OR10D3: variants seen among roughly 807,000 people sequenced by gnomAD.
OR10D3 encodes olfactory receptor family 10 subfamily D member 3.
For synonymous variants in OR10D3, 100 were observed against 57.6 expected (o/e 1.74, Z -3.33); for missense variants, 286 against 153.7 (o/e 1.86, Z -4.55).
At position 124,185,701 on chromosome 11, in the gene OR10D3, G is replaced by A. The variant is rs1315922181; in HGVS notation, c.432G>A (p.Leu144=). 1.1e-5 allele frequency: 8 copies of A among 703,618 alleles called. No homozygotes were observed. The East Asian group carries it at 2.1e-4, about 19-fold the overall frequency. The allele number at this position is 703,618 out of a possible 1,614,324, so 43.6% of individuals were successfully genotyped here. A position where few individuals can be genotyped will look rare whatever the true frequency, so the allele number is the denominator to read the frequency against. ...TGAACCCAAGGATCTGTGTGGCCCT[G>A]GCTGTGGGCACATGGCTGTTAGGGT... Residue 144 remains leucine, a synonymous_variant, in exon 2 of 2, where the codon CTG becomes CTA. Transcript: ENST00000641351.
At chr11:124,188,306 G>A (rs1452955352) in exon 2 of OR10D3, 4 of 152,216 alleles carry the variant, frequency 2.6e-5, no homozygotes, top group Non-Finnish European at 5.9e-5. Context: ...AAACAGACAA[G>A]AGCCATAGAT....
chr11:124,185,824 G>T (rs1399550197), exon 2 of OR10D3: 1 of 703,640 alleles, frequency 1.4e-6, no homozygotes, highest in Non-Finnish European at 2.6e-6. Context: ...CAGCACTGTT[G>T]CCCTTGGCCT....
chr11:124,185,471 G>A (rs1002901467), exon 2 of OR10D3: 3 of 703,020 alleles, frequency 4.3e-6, no homozygotes, highest in Non-Finnish European at 7.8e-6. Context: ...AAACTTGTCT[G>A]TGTTTGACAT....
intron 1 of OR10D3, chr11:124,184,186 G>A (rs78668169): frequency 1.3e-5 from 2 of 152,332 alleles, no homozygotes; most frequent in East Asian, 3.9e-4. Context: ...ACAGGTAGAT[G>A]ATCAAGTTGC....
At chr11:124,188,549 G>A (rs1489853221) in exon 2 of OR10D3, 1 of 152,206 alleles carries the variant, frequency 6.6e-6, no homozygotes, top group Non-Finnish European at 1.5e-5. Flanking sequence ...AATGATCCTT[G>A]ATCCAGCAGC....
At chr11:124,185,367 C>T (rs866368813) in exon 2 of OR10D3, 1 of 703,152 alleles carries the variant, frequency 1.4e-6, no homozygotes, top group African/African-American at 1.7e-5. Flanking sequence ...TTATTCTTGC[C>T]CTTCTATGCC....
At chr11:124,185,408 G>A in exon 2 of OR10D3, 1 of 703,072 alleles carries the variant, frequency 1.4e-6, no homozygotes, top group Non-Finnish European at 2.6e-6. Context: ...GTCTATCCTT[G>A]TTGCTGTTAT....
intron 1 of OR10D3, 110 bp from the exon 2 acceptor site, chr11:124,185,149 T>G: frequency 1.7e-6 from 1 of 600,240 alleles, no homozygotes; most frequent in Non-Finnish European, 3.0e-6. Context: ...ATAACTTAGA[T>G]GCAAATCACA....
exon 2 of OR10D3, chr11:124,185,733 A>C: frequency 1.4e-6 from 1 of 703,594 alleles, no homozygotes; most frequent in Non-Finnish European, 2.6e-6. Flanking sequence ...GGGTGCATTC[A>C]TTCCAGTATC....
exon 2 of OR10D3, chr11:124,186,866 C>T (rs1031814175): frequency 3.3e-5 from 5 of 152,158 alleles, no homozygotes; most frequent in Admixed American, 3.3e-4. Flanking sequence ...TTCCATCTTG[C>T]TACCAGCTAT....
chr11:124,185,949 G>A, exon 2 of OR10D3: 1 of 703,232 alleles, frequency 1.4e-6, no homozygotes, highest in Non-Finnish European at 2.6e-6. Flanking sequence ...TCTATCTTAA[G>A]CATTCGTACA....
chr11:124,185,466 T>A lies in OR10D3; in HGVS notation c.197T>A (p.Leu66Ter), dbSNP rs544794778. The change falls in exon 2 of 2, where the codon TTG (leucine) becomes TAG (stop). Residue 66 changes from leucine (L) to a stop codon, truncating the protein, a stop_gained. Transcript: ENST00000641351. LOFTEE classifies it low-confidence loss of function (END_TRUNC). ...CCTATGTATTTCTTCCTGGGAAACT[T>A]GTCTGTGTTTGACATGGGTTTCTCC... 11 of 703,166 alleles carry A rather than the reference T, an allele frequency of 1.6e-5. No homozygotes were observed. The East Asian group carries it at 3.0e-4, about 19-fold the overall frequency. The allele number at this position is 703,166 out of a possible 1,614,324, so 43.6% of individuals were successfully genotyped here. A position where few individuals can be genotyped will look rare whatever the true frequency, so the allele number is the denominator to read the frequency against.
At chr11:124,184,601 GAA>G (rs912415451) in intron 1 of OR10D3, among the ~76,000 whole-genome samples, 1 of 150,362 alleles carries the variant, frequency 6.7e-6, no homozygotes, top group African/African-American at 2.4e-5. Context: ...TGTTTAAAAA[GAA>G]AAAAAAAGAA....
At chr11:124,184,626 G>A (rs1468664232) in intron 1 of OR10D3, among the ~76,000 whole-genome samples, 2 of 152,156 alleles carry the variant, frequency 1.3e-5, no homozygotes, top group Non-Finnish European at 2.9e-5. Flanking sequence ...TAGATGCCTA[G>A]TTCTACCAAG....
chr11:124,185,219 G>A, intron 1 of OR10D3, 40 bp from the exon 2 acceptor site: 1 of 651,374 alleles, frequency 1.5e-6, no homozygotes, highest in African/African-American at 1.8e-5. Context: ...AGCAAGCCAA[G>A]GCATTCTTCC....
intron 1 of OR10D3, among the ~76,000 whole-genome samples, chr11:124,184,754 A>G (rs1169456259): frequency 1.3e-5 from 2 of 152,240 alleles, no homozygotes; most frequent in Admixed American, 1.3e-4. Flanking sequence ...ATCATGTTGT[A>G]TAAGTGTTTT....
chr11:124,184,945 G>T (rs1490909148), intron 1 of OR10D3, among the ~76,000 whole-genome samples: 1 of 152,318 alleles, frequency 6.6e-6, no homozygotes, highest in Admixed American at 6.5e-5. Flanking sequence ...CCCGGGAGGA[G>T]GAGCATGTGT....
chr11:124,185,360 T>G (rs1277854088), exon 2 of OR10D3: 1 of 703,268 alleles, frequency 1.4e-6, no homozygotes, highest in South Asian at 1.5e-5. Context: ...TTTTGTCTTA[T>G]TCTTGCCCTT....
chr11:124,184,541 T>G (rs1417059359), intron 1 of OR10D3, among the ~76,000 whole-genome samples: 4 of 151,996 alleles, frequency 2.6e-5, no homozygotes, highest in Admixed American at 2.6e-4. Context: ...AGGCCAGTAA[T>G]GCCGTGATCT....
Sources: allele counts gnomAD v4.1 joint callset (sites outside exome capture counted in the v4.1 genomes callset), GRCh38; gene constraint gnomAD v4.1.1; transcripts MANE v1.5; gene names NCBI Gene and HGNC (gene_info 2026-07-23, HGNC 2026-07-21).